Variants in CYFIP2 observed in about 807,000 individuals in gnomAD.
The protein encoded by CYFIP2 is cytoplasmic FMR1-interacting protein 2.
Under a neutral mutation model 158.7 loss-of-function variants are expected in CYFIP2, and 29 were observed. The ratio of observed to expected loss-of-function variants is 0.18; its 90% confidence interval spans 0.14 to 0.25. The LOEUF is 0.25. Ranked by LOEUF, CYFIP2 falls within the 10% of genes least tolerant of loss-of-function variation. The pLI, the probability that CYFIP2 is intolerant of heterozygous loss-of-function variation, is 1.00. For synonymous variants in CYFIP2, 585 were observed against 617.6 expected (o/e 0.95, Z 0.78); for missense variants, 852 against 1,639.5 (o/e 0.52, Z 8.29).
intron 18 of CYFIP2, 116 bp downstream of exon 18, chr5:157,326,383 C>A (rs1581065564): frequency 2.3e-6 from 2 of 881,626 alleles, no homozygotes; most frequent in East Asian, 2.5e-5. Context: ...GGAGAGGAAT[C>A]TCTGTAACCA....
chr5:157,359,007 T>C lies in CYFIP2; in HGVS notation c.2676T>C (p.Pro892=), dbSNP rs759111609. ...VQPYYLYGSK[P]LNIAYSHIYS... is the part of the protein sequence containing the mutation. ...TTGCCACTACCTCTGTTTTCCAGCCTCTCAACATTGCCTACAGCCACATCT... is the reference window on the plus strand; with the variant it reads ...TTGCCACTACCTCTGTTTTCCAGCCCCTCAACATTGCCTACAGCCACATCT... The change falls in exon 24 of 31, where the codon CCT becomes CCC. Residue 892 remains proline (P), a splice_region_variant and synonymous_variant. Coordinates refer to ENST00000620254, the MANE Select transcript of CYFIP2 (RefSeq NM_001037333.3). 3 of 1,613,996 alleles carry C rather than the reference T, an allele frequency of 1.9e-6. No individual in the cohort carries two copies. In the East Asian group the frequency reaches 6.7e-5, roughly 36 times the overall value.
chr5:157,294,936 G>A, intron 4 of CYFIP2, 76 bp downstream of exon 4: 2 of 1,226,288 alleles, frequency 1.6e-6, no homozygotes, highest in East Asian at 2.4e-5. Context: ...CCAAACCAGA[G>A]AGCTGAGCTT....
intron 8 of CYFIP2, among the ~76,000 whole-genome samples, chr5:157,307,221 C>G (rs1457417900): frequency 4.6e-5 from 7 of 152,204 alleles, no homozygotes. Context: ...GAGGTGGATA[C>G]TTTCACATTC....
intron 28 of CYFIP2, chr5:157,384,220 G>T (rs964882156): frequency 2.2e-6 from 1 of 449,910 alleles, no homozygotes; most frequent in African/African-American, 2.0e-5. Context: ...TGCCTTCAGA[G>T]AATTCAGATT....
At chr5:157,330,952 G>T (rs61190491) in intron 20 of CYFIP2, 102 bp downstream of exon 20, 1 of 867,964 alleles carries the variant, frequency 1.2e-6, no homozygotes, top group East Asian at 2.6e-5. Flanking sequence ...TGTCTGCCCG[G>T]CATGTTGCCA....
At chr5:157,271,214 T>C (rs949868449) in intron 1 of CYFIP2, among the ~76,000 whole-genome samples, 1 of 152,192 alleles carries the variant, frequency 6.6e-6, no homozygotes, top group Non-Finnish European at 1.5e-5. Flanking sequence ...AGAGTATCCT[T>C]GGACAGGTTT....
chr5:157,304,482 C>A, intron 8 of CYFIP2, 116 bp downstream of exon 8: 3 of 1,220,930 alleles, frequency 2.5e-6, no homozygotes, highest in Non-Finnish European at 3.4e-6. Context: ...TGATACAGAT[C>A]TTACGGCACA....
chr5:157,307,703 T>G, intron 8 of CYFIP2, 58 bp from the exon 9 acceptor site: 1 of 1,090,604 alleles, frequency 9.2e-7, no homozygotes, highest in Non-Finnish European at 1.4e-6. Flanking sequence ...CCTTTTTGTT[T>G]TTAAACTTTT....
intron 30 of CYFIP2, among the ~76,000 whole-genome samples, chr5:157,392,244 G>C (rs1166276849): frequency 6.6e-6 from 1 of 152,060 alleles, no homozygotes; most frequent in African/African-American, 2.4e-5. Context: ...TTTCAATTTT[G>C]ATGTAGTGCA....
intron 23 of CYFIP2, among the ~76,000 whole-genome samples, chr5:157,351,476 C>T (rs1763067273): frequency 6.6e-6 from 1 of 152,134 alleles, no homozygotes; most frequent in Non-Finnish European, 1.5e-5. Flanking sequence ...AACTCAGAAA[C>T]TTGGGAACTT....
intron 1 of CYFIP2, among the ~76,000 whole-genome samples, chr5:157,267,168 A>G (rs1755672968): frequency 6.6e-6 from 1 of 152,220 alleles, no homozygotes; most frequent in Non-Finnish European, 1.5e-5. Context: ...CACAGTGGAA[A>G]CACTCACCAG....
intron 30 of CYFIP2, among the ~76,000 whole-genome samples, chr5:157,392,330 A>G (rs753628396): frequency 6.6e-6 from 1 of 151,994 alleles, no homozygotes; most frequent in Non-Finnish European, 1.5e-5. Flanking sequence ...TTTTTCCCCT[A>G]TATTCTCTTT....
At chr5:157,323,868 C>T (rs1561727356) in intron 15 of CYFIP2, 53 bp from the exon 16 acceptor site, 5 of 1,450,632 alleles carry the variant, frequency 3.4e-6, no homozygotes, top group Non-Finnish European at 4.6e-6. Context: ...CAACCTTTTT[C>T]CCCGGGGTAG....
chr5:157,278,614 A>T (rs1431239382), intron 1 of CYFIP2, among the ~76,000 whole-genome samples: 1 of 152,234 alleles, frequency 6.6e-6, no homozygotes, highest in Admixed American at 6.5e-5. Flanking sequence ...TTTGCAGGAT[A>T]GTTGTGATTG....
chr5:157,366,090 A>G (rs951986787), intron 26 of CYFIP2, among the ~76,000 whole-genome samples: 1 of 152,102 alleles, frequency 6.6e-6, no homozygotes, highest in Admixed American at 6.5e-5. Context: ...GCAGTGTATG[A>G]GAGTTATCAT....
chr5:157,342,547 C>T, intron 23 of CYFIP2: 1 of 232,984 alleles, frequency 4.3e-6, no homozygotes. Context: ...TTTTATTTGT[C>T]ATGCAAATTT....
intron 23 of CYFIP2, chr5:157,342,904 C>T: frequency 6.2e-7 from 1 of 1,614,066 alleles, no homozygotes; most frequent in South Asian, 1.1e-5. Flanking sequence ...GGTCACCACC[C>T]CCCCTCTGTA....
At chr5:157,277,959 A>G (rs576521364) in intron 1 of CYFIP2, among the ~76,000 whole-genome samples, 2 of 152,280 alleles carry the variant, frequency 1.3e-5, no homozygotes, top group East Asian at 3.9e-4. Context: ...TACTGTAGGC[A>G]ATTGCAACAC....
intron 23 of CYFIP2, among the ~76,000 whole-genome samples, chr5:157,357,571 A>G (rs549842353): frequency 7.8e-4 from 119 of 152,288 alleles, no homozygotes; most frequent in African/African-American, 2.5e-3. Flanking sequence ...GCTCATGCCT[A>G]TAATCCTAGC....
Sources: allele counts gnomAD v4.1 joint callset (sites outside exome capture counted in the v4.1 genomes callset), GRCh38; gene constraint gnomAD v4.1.1; transcripts MANE v1.5; gene names NCBI Gene and HGNC (gene_info 2026-07-23, HGNC 2026-07-21).